The following PCSK5 variants were observed in gnomAD, a reference collection of about 807,000 sequenced individuals.
PCSK5 encodes the protein proprotein convertase subtilisin/kexin type 5.
A neutral mutation model predicts 233.2 loss-of-function variants in PCSK5; 129 were observed. That is an observed-to-expected ratio of 0.55 (90% CI 0.48 to 0.64). The LOEUF is 0.64. PCSK5 is among the 30% of genes least tolerant of loss of function. PCSK5 has a pLI of 0.00. For missense variants in PCSK5, 2,076 were observed against 2,430.1 expected (o/e 0.85, Z 3.06); for synonymous variants, 825 against 879.2 (o/e 0.94, Z 1.09).
At chr9:76,252,563 T>A (rs1225546355) in intron 24 of PCSK5, among the ~76,000 whole-genome samples, 1 of 151,944 alleles carries the variant, frequency 6.6e-6, no homozygotes, top group Non-Finnish European at 1.5e-5. Context: ...ACTGAGAGAG[T>A]CAGTGAGCAT....
chr9:76,296,913 T>C (rs547139252), intron 27 of PCSK5, 48 bp downstream of exon 27: 16 of 1,202,382 alleles, frequency 1.3e-5, no homozygotes, highest in Non-Finnish European at 1.8e-5. Context: ...CGACCTACTC[T>C]GCTTCCCTCC....
intron 5 of PCSK5, among the ~76,000 whole-genome samples, chr9:76,043,681 T>G (rs1012066485): frequency 2.0e-5 from 3 of 152,196 alleles, no homozygotes; most frequent in African/African-American, 7.2e-5. Flanking sequence ...TATTGATTAA[T>G]AAAACTTTTT....
intron 12 of PCSK5, 68 bp from the exon 13 acceptor site, chr9:76,169,636 T>G: frequency 1.1e-4 from 163 of 1,448,434 alleles, no homozygotes; most frequent in Non-Finnish European, 1.4e-4. Flanking sequence ...ACAGTGTCGA[T>G]TGTGGTATTA....
chr9:75,917,170 GAAAA>G (rs34529382), intron 1 of PCSK5, among the ~76,000 whole-genome samples: 9 of 104,162 alleles, frequency 8.6e-5, no homozygotes, highest in African/African-American at 2.5e-4. Flanking sequence ...CTCCGTCTCA[GAAAA>G]AAAAAAAAAA....
rs1447013160 is a variant in PCSK5 at position 76,046,185 on chromosome 9, T to G, written c.632+19148T>G. Among the ~76,000 whole-genome samples, 18 of 121,634 alleles carry G rather than the reference T, an allele frequency of 1.5e-4. 1 individual carries two copies. Among genetic ancestry groups the G allele is most frequent in the Admixed American group, 4.1e-4 (5 of 12,322 alleles). The allele number at this position is 121,634 out of a possible 152,430, so 79.8% of individuals were successfully genotyped here. A position where few individuals can be genotyped will look rare whatever the true frequency, so the allele number is the denominator to read the frequency against. ...GTTTTTTTTTTTTTTTTTTTTTTTT[T>G]TTTTTTTTTTGAGACGGAGTCTCGC... On this transcript the variant is annotated intron_variant, in intron 5 of 37. Transcript: ENST00000674117.
Position 76,362,352 on chromosome 9 carries a change from G to C in PCSK5, c.*3430G>C, listed in dbSNP as rs17777982. ...TAAATCAAGACCAGATAATGCTATG[G>C]AGACTTACTTATTAAATAACTTTCT... On this transcript the variant is annotated 3_prime_UTR_variant, in exon 38 of 38. Coordinates refer to ENST00000674117, the MANE Select transcript of PCSK5 (RefSeq NM_001372043.1). 6.6e-6 allele frequency: 1 copy of C among 152,134 alleles called. No individual in the cohort carries two copies. The highest frequency in any genetic ancestry group is 1.5e-5 in the Non-Finnish European group (1 of 68,028). 9.4% of individuals were successfully genotyped at this position (152,134 alleles called of 1,614,324 possible).
chr9:76,122,592 G>A (rs1040519356), intron 9 of PCSK5, among the ~76,000 whole-genome samples: 3 of 151,658 alleles, frequency 2.0e-5, no homozygotes, highest in African/African-American at 7.3e-5. Context: ...TTTTGCTTAG[G>A]GCAATTGTTG....
rs1822621346 is a variant in PCSK5 at position 76,157,136 on chromosome 9, T to C, written c.1404T>C (p.Cys468=). ...CCACCGTTCCCCGGCAGCACGTGTG[T>C]GTGGAGAGCACAGACCGACAAATCA... is the stretch of plus-strand genomic sequence containing the variant. The part of the protein sequence containing the change: ...KWTTVPRQHV[C]VESTDRQIKT... Residue 468 remains cysteine (C), a synonymous_variant, in exon 11 of 38, where the codon TGT becomes TGC. Coordinates refer to ENST00000674117, the MANE Select transcript of PCSK5 (RefSeq NM_001372043.1). 1.2e-6 allele frequency: 2 copies of C among 1,613,056 alleles called. No homozygotes were observed. The highest frequency in any genetic ancestry group is 1.7e-6 in the Non-Finnish European group (2 of 1,179,502).
At chr9:75,904,060 G>A (rs1156496193) in intron 1 of PCSK5, among the ~76,000 whole-genome samples, 1 of 151,942 alleles carries the variant, frequency 6.6e-6, no homozygotes, top group African/African-American at 2.4e-5. Flanking sequence ...TTAACTATGG[G>A]GCGTCTTTCA....
intron 24 of PCSK5, among the ~76,000 whole-genome samples, chr9:76,256,440 A>C (rs1051639511): frequency 4.6e-5 from 7 of 152,172 alleles, no homozygotes; most frequent in Non-Finnish European, 1.0e-4. Context: ...AGCCGGACAC[A>C]CAGGGTGGAG....
At chr9:76,058,908 G>A (rs1016528469) in intron 5 of PCSK5, among the ~76,000 whole-genome samples, 5 of 152,156 alleles carry the variant, frequency 3.3e-5, no homozygotes, top group Non-Finnish European at 7.3e-5. Flanking sequence ...TACTTGGGAA[G>A]CTGAGGTAGG....
intron 3 of PCSK5, among the ~76,000 whole-genome samples, chr9:76,000,149 T>C (rs192705074): frequency 1.3e-5 from 2 of 152,260 alleles, no homozygotes; most frequent in African/African-American, 4.8e-5. Context: ...TTTTACAGGC[T>C]CCTCTCCATT....
chr9:76,304,237 T>A (rs1007019431), intron 28 of PCSK5, among the ~76,000 whole-genome samples: 8 of 152,208 alleles, frequency 5.3e-5, no homozygotes, highest in Non-Finnish European at 5.9e-5. Flanking sequence ...CTACCCAGCC[T>A]GGCAGCCTAA....
chr9:76,073,894 T>C (rs1013083694), intron 7 of PCSK5, among the ~76,000 whole-genome samples: 4 of 152,098 alleles, frequency 2.6e-5, no homozygotes, highest in African/African-American at 9.7e-5. Context: ...AAATTAAAAA[T>C]ATGGTACTTT....
Position 76,071,771 on chromosome 9 carries a change from A to C in PCSK5, c.767A>C (p.Lys256Thr). Residue 256 changes from lysine to threonine, a missense_variant, in exon 7 of 38, where the codon AAA becomes ACA. Physicochemically the swap from Lys to Thr is moderately conservative, Grantham distance 78 (BLOSUM62 -1). This residue lies in a region of PCSK5 where 178 missense variants were observed against 393.6 expected (regional missense o/e 0.45). Transcript: ENST00000674117. ...GATGTCACGGACATGGTTGAAGCAA[A>C]ATCAGTTAGCTTCAACCCCCAGCAC... is the stretch of plus-strand genomic sequence containing the variant. ...DGDVTDMVEA[K>T]SVSFNPQHVH... 6.2e-7 allele frequency: 1 copy of C among 1,614,078 alleles called. No individual in the cohort carries two copies. The highest frequency in any genetic ancestry group is 8.5e-7 in the Non-Finnish European group (1 of 1,179,996).
intron 2 of PCSK5, among the ~76,000 whole-genome samples, chr9:75,958,785 G>A (rs10781319): frequency 0.26 from 40,085 of 151,974 alleles, 5,713 homozygotes; most frequent in East Asian, 0.49. Flanking sequence ...GTAATAATAA[G>A]AACTCAGAGT....
intron 2 of PCSK5, among the ~76,000 whole-genome samples, chr9:75,941,456 A>G (rs541617309): frequency 1.2e-4 from 19 of 152,130 alleles, no homozygotes; most frequent in African/African-American, 4.6e-4. Flanking sequence ...TGGTTACCAA[A>G]TATCCTGAGA....
At chr9:76,250,403 T>G (rs190257986) in intron 24 of PCSK5, among the ~76,000 whole-genome samples, 244 of 152,314 alleles carry the variant, frequency 1.6e-3, no homozygotes, top group Middle Eastern at 0.014. Context: ...GACTTTACAG[T>G]GTAGAAAGCT....
chr9:76,100,694 G>A, intron 8 of PCSK5, among the ~76,000 whole-genome samples: 1 of 152,188 alleles, frequency 6.6e-6, no homozygotes, highest in East Asian at 1.9e-4. Flanking sequence ...CAGTCATAAA[G>A]AAGCATTTAG....
Sources: allele counts gnomAD v4.1 joint callset (sites outside exome capture counted in the v4.1 genomes callset), GRCh38; gene constraint gnomAD v4.1.1; regional missense constraint gnomAD v4.1.1; transcripts MANE v1.5; gene names NCBI Gene and HGNC (gene_info 2026-07-23, HGNC 2026-07-21).